Variants in TENM3 observed in about 807,000 individuals in gnomAD.
TENM3 encodes the protein teneurin transmembrane protein 3.
A neutral mutation model predicts 255.1 loss-of-function variants in TENM3; 63 were observed. The observed-to-expected ratio is 0.25, with a 90% confidence interval of 0.20 to 0.30. The LOEUF (loss-of-function observed/expected upper bound fraction) is 0.30, where lower values mean the gene tolerates loss of function less well. Among genes scored for constraint, TENM3 ranks in the 10% least tolerant of loss-of-function variants. The probability of loss-of-function intolerance (pLI) is 1.00; values close to 1 mark genes in which losing one functional copy is unlikely to be tolerated. For synonymous variants in TENM3, 1,306 were observed against 1,322.3 expected (o/e 0.99, Z 0.27); for missense variants, 2,929 against 3,461.1 (o/e 0.85, Z 3.86).
chr4:182,525,954 G>C (rs1739118129), intron 3 of TENM3, among the ~76,000 whole-genome samples: 1 of 152,104 alleles, frequency 6.6e-6, no homozygotes, highest in South Asian at 2.1e-4. Flanking sequence ...TTTTCCTATT[G>C]CATTAGCCTC....
the TENM3 span, among the ~76,000 whole-genome samples, chr4:181,476,005 T>C: frequency 6.6e-6 from 1 of 152,226 alleles, no homozygotes; most frequent in Admixed American, 6.5e-5. Flanking sequence ...AGAATGGTGC[T>C]GACTGTTCCC....
intron 1 of TENM3, among the ~76,000 whole-genome samples, chr4:182,183,215 A>G (rs35347076): frequency 1.4e-4 from 21 of 152,020 alleles, no homozygotes; most frequent in Non-Finnish European, 2.4e-4. Context: ...GTTTCTTCTT[A>G]TTATTATTAT....
At chr4:182,677,190 C>T (rs1366130463) in intron 7 of TENM3, among the ~76,000 whole-genome samples, 1 of 152,132 alleles carries the variant, frequency 6.6e-6, no homozygotes, top group Non-Finnish European at 1.5e-5. Flanking sequence ...GAATCGCCCT[C>T]CTGAATTCAT....
chr4:182,313,730 TTC>T (rs1318403524), intron 1 of TENM3, among the ~76,000 whole-genome samples: 1 of 152,204 alleles, frequency 6.6e-6, no homozygotes, highest in Non-Finnish European at 1.5e-5. Flanking sequence ...GCCTCCTGTT[TTC>T]TCTCTCTCAG....
the TENM3 span, among the ~76,000 whole-genome samples, chr4:181,951,294 T>C: frequency 6.6e-6 from 1 of 152,208 alleles, no homozygotes; most frequent in Admixed American, 6.5e-5. Context: ...GCCTCTATTT[T>C]ACTTTTGTTA....
intron 1 of TENM3, among the ~76,000 whole-genome samples, chr4:182,195,706 A>C (rs538555278): frequency 2.0e-4 from 30 of 152,320 alleles, no homozygotes; most frequent in African/African-American, 7.2e-4. Flanking sequence ...AGTATTAATT[A>C]CTAGTCATAA....
At chr4:181,720,527 T>G in the TENM3 span, among the ~76,000 whole-genome samples, 1 of 152,216 alleles carries the variant, frequency 6.6e-6, no homozygotes, top group Non-Finnish European at 1.5e-5. Flanking sequence ...AAAATTAGCT[T>G]GGATTTTTCA....
chr4:181,998,645 T>A, the TENM3 span, among the ~76,000 whole-genome samples: 24,466 of 152,074 alleles, frequency 0.16, 2,284 homozygotes, highest in Non-Finnish European at 0.2. Flanking sequence ...CCACCCTAGA[T>A]GTTGAGACCA....
intron 3 of TENM3, among the ~76,000 whole-genome samples, chr4:182,368,193 G>A (rs576593148): frequency 6.6e-6 from 1 of 152,306 alleles, no homozygotes; most frequent in East Asian, 1.9e-4. Flanking sequence ...CGTAATGAGG[G>A]TTTTGCAGCT....
the TENM3 span, among the ~76,000 whole-genome samples, chr4:181,679,394 T>G: frequency 9.2e-5 from 14 of 152,108 alleles, no homozygotes; most frequent in African/African-American, 3.1e-4. Flanking sequence ...GTTTTTTTCC[T>G]TATCATTTCC....
chr4:181,694,462 C>T, the TENM3 span, among the ~76,000 whole-genome samples: 2 of 152,194 alleles, frequency 1.3e-5, no homozygotes, highest in Admixed American at 1.3e-4. Flanking sequence ...TGTGTACATT[C>T]ACAAGCTAAC....
chr4:182,174,473 A>G (rs1412170363), intron 1 of TENM3, among the ~76,000 whole-genome samples: 1 of 140,926 alleles, frequency 7.1e-6, no homozygotes, highest in Non-Finnish European at 1.5e-5. Flanking sequence ...TTCTGATTTC[A>G]TCTAAGGAAA....
the TENM3 span, among the ~76,000 whole-genome samples, chr4:181,550,851 A>G: frequency 1.3e-5 from 2 of 152,236 alleles, no homozygotes; most frequent in Admixed American, 6.5e-5. Context: ...ATTTGAATTC[A>G]GATCTATCAG....
chr4:182,772,209 T>C (rs576897956), intron 22 of TENM3, among the ~76,000 whole-genome samples: 2 of 133,398 alleles, frequency 1.5e-5, no homozygotes, highest in African/African-American at 5.1e-5. Context: ...TATCATCTCA[T>C]AAACAAGTGA....
At chr4:181,948,441 A>G in the TENM3 span, among the ~76,000 whole-genome samples, 24 of 152,204 alleles carry the variant, frequency 1.6e-4, no homozygotes, top group South Asian at 1.0e-3. Flanking sequence ...TTTAAGATGG[A>G]GTCTGGCTCT....
chr4:182,682,129 CT>C, intron 11 of TENM3, 115 bp downstream of exon 11: 1 of 801,536 alleles, frequency 1.2e-6, no homozygotes, highest in Non-Finnish European at 2.0e-6. Flanking sequence ...TAAAGTGATT[CT>C]TTATGGAAAT....
the TENM3 span, among the ~76,000 whole-genome samples, chr4:182,056,197 G>A: frequency 3.3e-5 from 5 of 152,162 alleles, no homozygotes; most frequent in Admixed American, 6.5e-5. Context: ...ATGCTCAACC[G>A]TCTTAATGTG....
At chr4:182,093,504 C>G in the TENM3 span, among the ~76,000 whole-genome samples, 8 of 152,324 alleles carry the variant, frequency 5.3e-5, no homozygotes, top group South Asian at 1.7e-3. Flanking sequence ...GCCGAAAGAA[C>G]TACGTGATAG....
In TENM3 at chr4:182,802,345, T is replaced by C. The variant is rs997112398; in HGVS notation, c.*1994T>C. The C allele has an allele frequency of 3.3e-5, 5 of 152,624 alleles. No homozygotes were observed. The highest frequency in any genetic ancestry group is 9.6e-5 in the African/African-American group (4 of 41,458). The allele number at this position is 152,624 out of a possible 1,614,324, so 9.5% of individuals were successfully genotyped here. A position where few individuals can be genotyped will look rare whatever the true frequency, so the allele number is the denominator to read the frequency against. Reference sequence around the variant, plus strand: ...AGCCCAAATTTAGAAAACTATGAGATTTCAAACCACATAAACATGATTCTG... The same window carrying C: ...AGCCCAAATTTAGAAAACTATGAGACTTCAAACCACATAAACATGATTCTG... On this transcript the variant is annotated 3_prime_UTR_variant, in exon 28 of 28. Transcript: ENST00000511685.
Sources: gnomAD v4.1 joint callset for allele counts (sites outside exome capture counted in the v4.1 genomes callset) on GRCh38, gnomAD v4.1.1 for gene constraint, MANE v1.5 for transcripts, NCBI Gene and HGNC (gene_info 2026-07-23, HGNC 2026-07-21) for gene names.